Variants in NRG2 observed in about 807,000 individuals in gnomAD.
The protein encoded by NRG2 is neuregulin 2, also known as pro-neuregulin-2, membrane-bound isoform.
In NRG2, 27 loss-of-function variants were observed where a neutral mutation model predicts 73.9. That is an observed-to-expected ratio of 0.37 (90% CI 0.27 to 0.50). NRG2 has a LOEUF of 0.50. Among genes scored for constraint, NRG2 ranks in the 20% least tolerant of loss-of-function variants. The pLI is 0.96. For missense variants in NRG2, 1,126 were observed against 1,210.1 expected (o/e 0.93, Z 1.03); for synonymous variants, 532 against 541.0 (o/e 0.98, Z 0.23).
intron 1 of NRG2, among the ~76,000 whole-genome samples, chr5:139,970,880 T>TAGTTGGAAAGG (rs1755915721): frequency 6.6e-6 from 1 of 152,228 alleles, no homozygotes; most frequent in Admixed American, 6.5e-5. Flanking sequence ...GCACTATCCA[T>TAGTTGGAAAGG]GAAACCTTTC....
intron 5 of NRG2, chr5:139,864,884 G>C: frequency 1.7e-6 from 1 of 597,056 alleles, no homozygotes; most frequent in Admixed American, 2.8e-5. Flanking sequence ...CAGAAGTTGG[G>C]AGGAGGCCTG....
intron 1 of NRG2, among the ~76,000 whole-genome samples, chr5:139,906,587 T>C (rs893726735): frequency 6.6e-6 from 1 of 152,192 alleles, no homozygotes; most frequent in Non-Finnish European, 1.5e-5. Context: ...GGTAAATAGG[T>C]AGTCAGGCTT....
Position 139,894,843 on chromosome 5 carries a change from C to A in NRG2, c.701-7332G>T, listed in dbSNP as rs1440214890. Reference sequence around the variant, plus strand: ...ACAGAGGCTGATCCTCAAAGAGGACCACCTTCCCTGCACCAGTGAAAACCA... The same window carrying A: ...ACAGAGGCTGATCCTCAAAGAGGACAACCTTCCCTGCACCAGTGAAAACCA... On this transcript the variant is annotated intron_variant, in intron 1 of 9. Coordinates refer to ENST00000361474, the MANE Select transcript of NRG2 (RefSeq NM_004883.3). This position sits in a 1 kb window ranked among gnomAD's most constrained non-coding sequence, Gnocchi z 5.0. Among the ~76,000 whole-genome samples the A allele has an allele frequency of 6.6e-6, 1 of 152,190 alleles. No homozygotes were observed. Among genetic ancestry groups the A allele is most frequent in the Non-Finnish European group, 1.5e-5 (1 of 68,028 alleles).
intron 5 of NRG2, among the ~76,000 whole-genome samples, chr5:139,859,650 C>T (rs987604858): frequency 3.0e-4 from 45 of 152,118 alleles, no homozygotes; most frequent in African/African-American, 9.9e-4. Flanking sequence ...AGGGATGCTA[C>T]GGTACACTGA....
intron 1 of NRG2, among the ~76,000 whole-genome samples, chr5:139,893,555 G>A (rs918566772): frequency 2.0e-5 from 3 of 152,200 alleles, no homozygotes. Flanking sequence ...CCCCAGAGAC[G>A]AAAGGGGCAG....
chr5:139,919,476 T>C (rs1006849605), intron 1 of NRG2, among the ~76,000 whole-genome samples: 2 of 152,106 alleles, frequency 1.3e-5, no homozygotes, highest in East Asian at 3.8e-4. Context: ...ATGGGATTCG[T>C]TTTTATCAGG....
At chr5:139,996,905 G>A (rs1408873350) in intron 1 of NRG2, among the ~76,000 whole-genome samples, 1 of 152,148 alleles carries the variant, frequency 6.6e-6, no homozygotes, top group Non-Finnish European at 1.5e-5. Flanking sequence ...AAGCCGATGG[G>A]GGTGGGGGGC....
rs1765101395 is a variant in NRG2 at position 139,904,469 on chromosome 5, C to G, written c.701-16958G>C. Reference sequence around the variant, plus strand: ...CGCGCTGCGCCCCCGCCGCCTGCAGCCTCAGTGCCCGAGCGCGGCGCCTTT... The same window carrying G: ...CGCGCTGCGCCCCCGCCGCCTGCAGGCTCAGTGCCCGAGCGCGGCGCCTTT... On this transcript the variant is annotated intron_variant, in intron 1 of 9. Coordinates refer to ENST00000361474, the MANE Select transcript of NRG2 (RefSeq NM_004883.3). This position sits in a 1 kb window ranked among gnomAD's most constrained non-coding sequence, Gnocchi z 6.0. 1.0e-5 allele frequency: 9 copies of G among 889,284 alleles called. No homozygotes were observed. Among genetic ancestry groups the G allele is most frequent in the Admixed American group, 2.2e-5 (1 of 44,770 alleles). 55.1% of individuals were successfully genotyped at this position (889,284 alleles called of 1,614,324 possible).
Position 139,852,841 on chromosome 5 carries a change from G to A in NRG2, c.1416+63C>T. 6.2e-7 allele frequency: 1 copy of A among 1,604,186 alleles called. No homozygotes were observed. The highest frequency in any genetic ancestry group is 8.5e-7 in the Non-Finnish European group (1 of 1,177,402). The stretch of plus-strand genomic sequence containing the variant: ...CTGCTGCCCTGGCCCATCCTTGCAG[G>A]GGGCATGAGAAGGCTGGCTGTCCAC... On this transcript the variant is annotated intron_variant, in intron 7 of 9. Transcript: ENST00000361474. The surrounding 1 kb of genome is among the most constrained non-coding windows in gnomAD (Gnocchi z 4.4).
chr5:139,871,806 G>T lies in NRG2; in HGVS notation c.1027C>A (p.Arg343=), dbSNP rs781348607. The T allele has an allele frequency of 8.1e-6, 13 of 1,614,076 alleles. No homozygotes were observed. Among genetic ancestry groups the T allele is most frequent in the Non-Finnish European group, 1.1e-5 (13 of 1,179,990 alleles). The change falls in exon 4 of 10, where the codon CGG becomes AGG. Residue 343 remains arginine, a synonymous_variant. Transcript: ENST00000361474. ...TTLSSWSGHA[R]KCNETAKSYC... ...GACTTGGCTGTCTCGTTGCACTTCC[G>T]GGCGTGCCCCGACCAGGATGACAGG...
At chr5:139,994,816 G>A (rs1181439047) in intron 1 of NRG2, among the ~76,000 whole-genome samples, 1 of 152,174 alleles carries the variant, frequency 6.6e-6, no homozygotes, top group Non-Finnish European at 1.5e-5. Context: ...TTCCACAAAA[G>A]GAAGGAGGGT....
intron 1 of NRG2, among the ~76,000 whole-genome samples, chr5:139,966,266 C>T (rs889197189): frequency 3.9e-5 from 6 of 152,220 alleles, no homozygotes; most frequent in Non-Finnish European, 7.3e-5. Context: ...CCCACCAGCT[C>T]TCCCACCCAT....
rs750644235 is a variant in NRG2, at chr5:139,990,548, C to T, written c.700+51822G>A. On this transcript the variant is annotated intron_variant, in intron 1 of 9. Coordinates refer to ENST00000361474, the MANE Select transcript of NRG2 (RefSeq NM_004883.3). ...CTCAAACTCCTGGGCTCAAGTGATC[C>T]ACCTGACTTGGCCTCCCAAAGTGCT... Among the ~76,000 whole-genome samples the T allele has an allele frequency of 1.5e-3, 229 of 152,110 alleles. 2 individuals carry two copies. Among genetic ancestry groups the T allele is most frequent in the Non-Finnish European group, 2.4e-3 (162 of 68,034 alleles).
chr5:139,937,863 T>A (rs1165123735), intron 1 of NRG2, among the ~76,000 whole-genome samples: 1 of 152,166 alleles, frequency 6.6e-6, no homozygotes, highest in African/African-American at 2.4e-5. Flanking sequence ...ACACAGAATA[T>A]ATTTTTTAAA....
chr5:139,978,032 G>C (rs1319528765), intron 1 of NRG2, among the ~76,000 whole-genome samples: 1 of 152,120 alleles, frequency 6.6e-6, no homozygotes, highest in African/African-American at 2.4e-5. Context: ...ACATAGACAT[G>C]GGCAAGGACT....
intron 1 of NRG2, among the ~76,000 whole-genome samples, chr5:139,890,452 CT>C (rs1764136610): frequency 4.9e-5 from 7 of 141,656 alleles, no homozygotes; most frequent in Admixed American, 1.5e-4. Flanking sequence ...TTTTTCTTTT[CT>C]TTTCTTTCTT....
At chr5:139,867,811 T>A (rs1211196797) in intron 4 of NRG2, among the ~76,000 whole-genome samples, 65 of 138,738 alleles carry the variant, frequency 4.7e-4, no homozygotes, top group Non-Finnish European at 4.9e-4. Context: ...AGTGTGTGTG[T>A]GTGTGTGTGT....
intron 2 of NRG2, among the ~76,000 whole-genome samples, chr5:139,886,892 A>T (rs189835507): frequency 3.9e-5 from 6 of 152,342 alleles, no homozygotes; most frequent in Non-Finnish European, 7.3e-5. Context: ...TAGCTCTCTG[A>T]CAACTGACAG....
rs1320452138 is a variant in NRG2 at position 139,847,676 on chromosome 5, C to T, written c.*241G>A. The stretch of plus-strand genomic sequence containing the variant: ...TTTTTTGTTGTTTCTTTTTTTTTTC[C>T]GAAGCTGTAAATCAGGATGTTACAT... On this transcript the variant is annotated 3_prime_UTR_variant, in exon 10 of 10. Coordinates refer to ENST00000361474, the MANE Select transcript of NRG2 (RefSeq NM_004883.3). 3 of 343,014 alleles carry T rather than the reference C, an allele frequency of 8.7e-6. No individual in the cohort carries two copies. The highest frequency in any genetic ancestry group is 4.3e-5 in the African/African-American group (2 of 46,556). The allele number at this position is 343,014 out of a possible 1,614,324, so 21.2% of individuals were successfully genotyped here.
Sources: gnomAD v4.1 joint callset for allele counts (sites outside exome capture counted in the v4.1 genomes callset) on GRCh38, gnomAD v4.1.1 for gene constraint, Gnocchi (gnomAD v3.1) non-coding constraint, MANE v1.5 for transcripts, NCBI Gene and HGNC (gene_info 2026-07-23, HGNC 2026-07-21) for gene names.